NBEAL1: variants seen among roughly 807,000 people sequenced by gnomAD.
The protein encoded by NBEAL1 is neurobeachin like 1, also known as neurobeachin-like protein 1.
In NBEAL1, 273 loss-of-function variants were observed where a neutral mutation model predicts 351.3. The observed-to-expected ratio is 0.78, with a 90% CI of 0.70 to 0.86. The LOEUF is 0.86. NBEAL1 is among the 40% of genes least tolerant of loss of function. NBEAL1 has a pLI of 0.00. For missense variants in NBEAL1, 2,961 were observed against 3,201.3 expected (o/e 0.92, Z 1.81); for synonymous variants, 1,050 against 1,086.4 (o/e 0.97, Z 0.66).
At chr2:203,148,518 C>T (rs1394800053) in intron 33 of NBEAL1, among the ~76,000 whole-genome samples, 1 of 152,016 alleles carries the variant, frequency 6.6e-6, no homozygotes, top group African/African-American at 2.4e-5. Context: ...TTAGATAAGC[C>T]AGTCTTCGGT....
intron 10 of NBEAL1, chr2:203,086,143 C>G (rs1049275982): frequency 2.6e-5 from 4 of 152,140 alleles, no homozygotes; most frequent in Non-Finnish European, 4.4e-5. Flanking sequence ...TGTTGCAAAA[C>G]AATTTTGATG....
At position 203,044,188 on chromosome 2, in the gene NBEAL1, G is replaced by A. The variant is rs555201345; in HGVS notation, c.143+2332G>A. Among the ~76,000 whole-genome samples, 5 of 152,240 alleles carry A rather than the reference G, an allele frequency of 3.3e-5. No homozygotes were observed. The South Asian group carries it at 6.2e-4, about 19-fold the overall frequency. On this transcript the variant is annotated intron_variant, in intron 3 of 55. Coordinates refer to ENST00000683969, the MANE Select transcript of NBEAL1 (RefSeq NM_001378026.1). ...TGTACTAAAAAAAGACTAGTACTTC[G>A]TTATTTATAAATCCAGTTTCAGATG...
intron 42 of NBEAL1, among the ~76,000 whole-genome samples, chr2:203,176,638 A>G (rs538384718): frequency 6.6e-6 from 1 of 151,552 alleles, no homozygotes; most frequent in Non-Finnish European, 1.5e-5. Flanking sequence ...AGACTGAGGC[A>G]TGAGAGTCGC....
intron 2 of NBEAL1, among the ~76,000 whole-genome samples, chr2:203,032,456 G>A (rs560266927): frequency 6.6e-6 from 1 of 151,954 alleles, no homozygotes; most frequent in South Asian, 2.1e-4. Context: ...AGGAGATCAA[G>A]ACAATCCTGG....
In NBEAL1 at chr2:203,209,711, A is replaced by ATGTGTGTGTG. The variant is rs1491566182; in HGVS notation, c.7785+390_7785+391insGTGTGTGTGT. 3.4e-3 allele frequency among the ~76,000 whole-genome samples: 111 copies of ATGTGTGTGTG among 32,984 alleles called. 1 individual carries two copies. The highest frequency in any genetic ancestry group is 0.016 in the South Asian group (10 of 628). 21.6% of individuals were successfully genotyped at this position (32,984 alleles called of 152,430 possible). On this transcript the variant is annotated intron_variant, in intron 53 of 55. Coordinates refer to ENST00000683969, the MANE Select transcript of NBEAL1 (RefSeq NM_001378026.1). ...AGTGACATCACTATTTATTTAATTA[A>ATGTGTGTGTG]TATGTGTGTGTGTGTGTGTGTGTGT...
Position 203,113,213 on chromosome 2 carries a change from G to A in NBEAL1, c.2401G>A (p.Asp801Asn). The change falls in exon 17 of 56, where the codon GAC becomes AAC. Residue 801 changes from aspartate (D) to asparagine (N), a missense_variant. Asp to Asn is a conservative substitution (Grantham distance 23, BLOSUM62 1). Transcript: ENST00000683969. ...ITKLISAGTQDSEWGCPTSLE... is the reference protein window; with the variant it reads ...ITKLISAGTQNSEWGCPTSLE... The stretch of plus-strand genomic sequence containing the variant: ...CAAATTGATATCAGCTGGAACCCAA[G>A]ACAGTGAATGGGGGTGTCCCACATC... 6.5e-7 allele frequency: 1 copy of A among 1,546,302 alleles called. No individual in the cohort carries two copies. The highest frequency in any genetic ancestry group is 8.7e-7 in the Non-Finnish European group (1 of 1,144,286).
chr2:203,198,020 CTTTTTTTTT>C (rs71034228), intron 48 of NBEAL1, among the ~76,000 whole-genome samples: 1 of 118,608 alleles, frequency 8.4e-6, no homozygotes, highest in African/African-American at 3.1e-5. Flanking sequence ...TTTTTCTTTT[CTTTTTTTTT>C]TTTTTTTTGA....
chr2:203,050,132 A>AT (rs2061301849), intron 4 of NBEAL1, 157 bp downstream of exon 4: 1 of 621,676 alleles, frequency 1.6e-6, no homozygotes, highest in African/African-American at 1.8e-5. Context: ...AATGTAGATG[A>AT]TGGGTTGAAG....
intron 35 of NBEAL1, among the ~76,000 whole-genome samples, chr2:203,156,396 T>A (rs2063799467): frequency 6.6e-6 from 1 of 152,242 alleles, no homozygotes; most frequent in African/African-American, 2.4e-5. Flanking sequence ...TCACCAATCT[T>A]TCATCAGATT....
chr2:203,183,370 T>G lies in NBEAL1; in HGVS notation c.6687T>G (p.Tyr2229Ter). The change falls in exon 44 of 56, where the codon TAT (tyrosine) becomes TAG (stop). Residue 2229 changes from tyrosine (Y) to a stop codon, truncating the protein, a stop_gained. Coordinates refer to ENST00000683969, the MANE Select transcript of NBEAL1 (RefSeq NM_001378026.1). LOFTEE classifies it high-confidence loss of function. ...KWAKSAEDFI[Y>*]KHRKALESEY... ...CTAAATCAGCTGAAGATTTCATCTA[T>G]AAACATAGGAAAGCTTTGGTAAGAG... The G allele has an allele frequency of 6.3e-7, 1 of 1,577,038 alleles. No individual in the cohort carries two copies. Among genetic ancestry groups the G allele is most frequent in the Non-Finnish European group, 8.6e-7 (1 of 1,157,380 alleles).
chr2:203,131,553 A>G (rs2063072890), intron 25 of NBEAL1, among the ~76,000 whole-genome samples: 1 of 152,180 alleles, frequency 6.6e-6, no homozygotes, highest in Non-Finnish European at 1.5e-5. Context: ...TTATACTATA[A>G]TAGGGAGTGC....
intron 11 of NBEAL1, among the ~76,000 whole-genome samples, chr2:203,099,066 A>G (rs1442896440): frequency 2.0e-5 from 3 of 152,088 alleles, no homozygotes; most frequent in Non-Finnish European, 1.5e-5. Flanking sequence ...ACTTGAGGTC[A>G]GGAGTTCAAG....
chr2:203,108,017 A>G lies in NBEAL1; in HGVS notation c.1778A>G (p.Glu593Gly), dbSNP rs1434602985. The change falls in exon 14 of 56, where the codon GAG (glutamate) becomes GGG (glycine). Residue 593 changes from glutamate to glycine, a missense_variant. Physicochemically the swap from Glu to Gly is moderately conservative, Grantham distance 98 (BLOSUM62 -2). Coordinates refer to ENST00000683969, the MANE Select transcript of NBEAL1 (RefSeq NM_001378026.1). Reference sequence around the variant, plus strand: ...ACAATGGCCCGAAAACTAAGTCTAGAGAGTGCCCTCCAGTATTTCAATTTG... The same window carrying G: ...ACAATGGCCCGAAAACTAAGTCTAGGGAGTGCCCTCCAGTATTTCAATTTG... ...ILTMARKLSL[E>G]SALQYFNLSH... The G allele has an allele frequency of 6.4e-7, 1 of 1,554,180 alleles. No individual in the cohort carries two copies. The highest frequency in any genetic ancestry group is 2.0e-5 in the Admixed American group (1 of 50,990).
chr2:203,057,698 A>G (rs1162722508), intron 6 of NBEAL1, among the ~76,000 whole-genome samples: 2 of 152,206 alleles, frequency 1.3e-5, no homozygotes, highest in African/African-American at 2.4e-5. Context: ...CTGATAAGAA[A>G]TGTTAAAGGC....
intron 33 of NBEAL1, among the ~76,000 whole-genome samples, chr2:203,145,508 A>G (rs778911488): frequency 1.1e-4 from 17 of 152,302 alleles, no homozygotes; most frequent in Middle Eastern, 6.8e-3. Flanking sequence ...TTAAGAAACT[A>G]GAGAAATGGC....
intron 3 of NBEAL1, among the ~76,000 whole-genome samples, chr2:203,046,192 T>A (rs1485876637): frequency 8.0e-5 from 12 of 150,032 alleles, no homozygotes; most frequent in South Asian, 2.2e-4. Context: ...TTTTTTTTTT[T>A]AAGGAACAAC....
At chr2:203,046,515 G>T (rs542104054) in intron 3 of NBEAL1, among the ~76,000 whole-genome samples, 1 of 151,982 alleles carries the variant, frequency 6.6e-6, no homozygotes, top group Non-Finnish European at 1.5e-5. Flanking sequence ...CACCGCACCC[G>T]GCCAAGAACA....
intron 4 of NBEAL1, among the ~76,000 whole-genome samples, chr2:203,052,754 A>ATTTATTTATTTG (rs1360928056): frequency 1.3e-5 from 2 of 149,682 alleles, no homozygotes; most frequent in African/African-American, 4.9e-5. Flanking sequence ...TTATTTATTT[A>ATTTATTTATTTG]TTTGTATTTT....
At chr2:203,077,473 T>C (rs1024780172) in intron 7 of NBEAL1, among the ~76,000 whole-genome samples, 3 of 152,232 alleles carry the variant, frequency 2.0e-5, no homozygotes, top group African/African-American at 7.2e-5. Context: ...GATATTAACT[T>C]CTGACCTTCC....
Sources: gnomAD v4.1 joint callset for allele counts (sites outside exome capture counted in the v4.1 genomes callset) on GRCh38, gnomAD v4.1.1 for gene constraint, MANE v1.5 for transcripts, NCBI Gene and HGNC (gene_info 2026-07-23, HGNC 2026-07-21) for gene names.